The following DENND1A variants were observed in gnomAD, a reference collection of about 807,000 sequenced individuals.
DENND1A encodes DENN domain containing 1A, also known as DENN domain-containing protein 1A.
In DENND1A, 51 loss-of-function variants were observed where a neutral mutation model predicts 113.7. That is an observed-to-expected ratio of 0.45 (90% confidence interval 0.36 to 0.57). The LOEUF (loss-of-function observed/expected upper bound fraction) is 0.57. Among genes scored for constraint, DENND1A ranks in the 20% least tolerant of loss-of-function variants. DENND1A has a pLI of 0.00. For synonymous variants in DENND1A, 565 were observed against 570.8 expected, an observed-to-expected ratio of 0.99 and a Z score of 0.14; for missense variants, 1,258 against 1,395.9, an observed-to-expected ratio of 0.90 and a Z score of 1.57.
At chr9:123,902,161 T>TCACA (rs1232745098) in intron 1 of DENND1A, among the ~76,000 whole-genome samples, 1 of 128,164 alleles carries the variant, frequency 7.8e-6, no homozygotes, top group African/African-American at 3.2e-5. Flanking sequence ...TACTCATGGG[T>TCACA]CACACACACA....
chr9:123,830,788 C>T (rs532919994), intron 2 of DENND1A, among the ~76,000 whole-genome samples: 22 of 143,944 alleles, frequency 1.5e-4, no homozygotes, highest in African/African-American at 5.7e-4. Flanking sequence ...ATCACTTGAA[C>T]CCGGGAGGCA....
intron 13 of DENND1A, among the ~76,000 whole-genome samples, chr9:123,505,026 C>G (rs2052798736): frequency 1.3e-5 from 2 of 152,216 alleles, no homozygotes. Flanking sequence ...GGTGTTCACT[C>G]TTAATGTTAA....
chr9:123,508,730 T>G (rs2053188712), intron 13 of DENND1A, among the ~76,000 whole-genome samples: 1 of 152,184 alleles, frequency 6.6e-6, no homozygotes, highest in African/African-American at 2.4e-5. Flanking sequence ...AGAGATCAGG[T>G]GAAGTGTGAA....
chr9:123,713,989 C>A (rs957240720), intron 5 of DENND1A, among the ~76,000 whole-genome samples: 5 of 152,008 alleles, frequency 3.3e-5, no homozygotes, highest in African/African-American at 9.7e-5. Context: ...CTTATAAGAG[C>A]CATCTAAAAA....
At chr9:123,397,058 A>G (rs911269665) in intron 21 of DENND1A, among the ~76,000 whole-genome samples, 6 of 152,216 alleles carry the variant, frequency 3.9e-5, no homozygotes, top group African/African-American at 1.4e-4. Context: ...AATAGATCTC[A>G]TAAGACCTCC....
rs1564175883 is a variant in DENND1A at position 123,740,896 on chromosome 9, A to AAGTGAGAG, written c.302+16799_302+16806dup. Reference sequence around the variant, plus strand: ...GTAAAGAAAGATGCTGAGGAAGGGAAAGTGAGAGAGAGAGAGAGAGAGAGA... The same window carrying AAGTGAGAG: ...GTAAAGAAAGATGCTGAGGAAGGGAAAGTGAGAGAGTGAGAGAGAGAGAGAGAGAGAGA... On this transcript the variant is annotated intron_variant, in intron 5 of 23. Coordinates refer to ENST00000394215, the MANE Select transcript of DENND1A (RefSeq NM_001352964.2). Among the ~76,000 whole-genome samples the AAGTGAGAG allele has an allele frequency of 5.6e-3, 190 of 33,910 alleles. 4 individuals carry two copies. The highest frequency in any genetic ancestry group is 0.019 in the African/African-American group (183 of 9,676). The allele number at this position is 33,910 out of a possible 152,430, so 22.2% of individuals were successfully genotyped here. A position where few individuals can be genotyped will look rare whatever the true frequency, so the allele number is the denominator to read the frequency against.
chr9:123,392,272 C>G (rs1296395120), intron 21 of DENND1A, among the ~76,000 whole-genome samples: 1 of 152,132 alleles, frequency 6.6e-6, no homozygotes, highest in Non-Finnish European at 1.5e-5. Flanking sequence ...GACAAATCAG[C>G]AGCACGTCAC....
In DENND1A at chr9:123,860,328, T is replaced by A. The variant is rs1385810745; in HGVS notation, c.88+18623A>T. On this transcript the variant is annotated intron_variant, in intron 2 of 23. Transcript: ENST00000394215. Reference sequence around the variant, plus strand: ...TAATGACTATTCTTATATTATTCTATTATTCTACAGGGAGCCTACTCTAGT... The same window carrying A: ...TAATGACTATTCTTATATTATTCTAATATTCTACAGGGAGCCTACTCTAGT... Among the ~76,000 whole-genome samples, 3 of 152,334 alleles carry A rather than the reference T, an allele frequency of 2.0e-5. No homozygotes were observed. In the East Asian group the frequency reaches 5.8e-4, roughly 29 times the overall value.
intron 6 of DENND1A, among the ~76,000 whole-genome samples, chr9:123,671,985 G>A (rs1021707156): frequency 6.6e-6 from 1 of 152,194 alleles, no homozygotes; most frequent in Non-Finnish European, 1.5e-5. Context: ...ACTGCTCACA[G>A]AATTATCCAA....
intron 5 of DENND1A, among the ~76,000 whole-genome samples, chr9:123,753,076 G>T (rs1041837392): frequency 2.0e-5 from 3 of 152,176 alleles, no homozygotes; most frequent in Non-Finnish European, 2.9e-5. Context: ...TTCTGCCAAG[G>T]TTAGCTGGTA....
chr9:123,829,440 G>GA (rs1048373091), intron 2 of DENND1A, among the ~76,000 whole-genome samples: 1 of 151,812 alleles, frequency 6.6e-6, no homozygotes, highest in Non-Finnish European at 1.5e-5. Flanking sequence ...ACCAATTAGA[G>GA]AAAACACAGT....
intron 11 of DENND1A, among the ~76,000 whole-genome samples, chr9:123,590,888 C>T (rs565164024): frequency 4.6e-5 from 7 of 152,208 alleles, no homozygotes; most frequent in South Asian, 4.2e-4. Context: ...TAAGAGTGTG[C>T]GAACAATGGT....
intron 5 of DENND1A, among the ~76,000 whole-genome samples, chr9:123,681,072 G>A (rs564143124): frequency 6.6e-6 from 1 of 152,248 alleles, no homozygotes; most frequent in African/African-American, 2.4e-5. Context: ...AGAGTGAGGG[G>A]CCTAGTAAGG....
intron 2 of DENND1A, among the ~76,000 whole-genome samples, chr9:123,851,559 G>A (rs569313818): frequency 3.1e-4 from 47 of 152,282 alleles, no homozygotes; most frequent in African/African-American, 1.1e-3. Flanking sequence ...GACCTAAGGT[G>A]GCACCATCAT....
At chr9:123,481,983 T>C (rs2050379413) in intron 13 of DENND1A, among the ~76,000 whole-genome samples, 2 of 151,974 alleles carry the variant, frequency 1.3e-5, no homozygotes, top group South Asian at 4.1e-4. Flanking sequence ...TTTGTATTTT[T>C]AGTAGAGATG....
intron 21 of DENND1A, among the ~76,000 whole-genome samples, chr9:123,396,853 A>G (rs973304803): frequency 6.6e-6 from 1 of 152,208 alleles, no homozygotes; most frequent in African/African-American, 2.4e-5. Context: ...CCGGGAGTCC[A>G]GTTCTGGTGA....
chr9:123,926,100 A>T (rs767284357), intron 1 of DENND1A, among the ~76,000 whole-genome samples: 2 of 152,252 alleles, frequency 1.3e-5, no homozygotes, highest in Non-Finnish European at 2.9e-5. Flanking sequence ...AATAAGATTT[A>T]AAAATACCTG....
At chr9:123,619,165 T>G (rs1255328748) in intron 10 of DENND1A, among the ~76,000 whole-genome samples, 1 of 152,142 alleles carries the variant, frequency 6.6e-6, no homozygotes, top group Non-Finnish European at 1.5e-5. Context: ...CAAGCTGGTC[T>G]TGAACTCCTG....
At chr9:123,542,689 GCTCT>G (rs2056376436) in intron 13 of DENND1A, among the ~76,000 whole-genome samples, 1 of 151,898 alleles carries the variant, frequency 6.6e-6, no homozygotes, top group Non-Finnish European at 1.5e-5. Flanking sequence ...ATCTCTTCAC[GCTCT>G]CTCTGCTTGG....
Sources: gnomAD v4.1 joint callset for allele counts (sites outside exome capture counted in the v4.1 genomes callset) on GRCh38, gnomAD v4.1.1 for gene constraint, MANE v1.5 for transcripts, NCBI Gene and HGNC (gene_info 2026-07-23, HGNC 2026-07-21) for gene names.